Variants in ERBB4 observed in about 807,000 individuals in gnomAD.
ERBB4 encodes the protein erb-b2 receptor tyrosine kinase 4.
A neutral mutation model predicts 158.0 loss-of-function variants in ERBB4; 42 were observed. The ratio of observed to expected loss-of-function variants is 0.27; its 90% CI spans 0.21 to 0.34. ERBB4 has a LOEUF of 0.34. ERBB4 is among the 10% of genes least tolerant of loss of function. ERBB4 has a pLI of 1.00. For synonymous variants in ERBB4, 583 were observed against 558.7 expected (o/e 1.04, Z -0.61); for missense variants, 1,333 against 1,624.1 (o/e 0.82, Z 3.08).
intron 2 of ERBB4, among the ~76,000 whole-genome samples, chr2:212,038,251 A>C: frequency 6.6e-6 from 1 of 152,168 alleles, no homozygotes; most frequent in Middle Eastern, 3.4e-3. Flanking sequence ...ATTATATATT[A>C]GTCTCTTTAT....
chr2:212,451,764 T>C (rs570870762), intron 1 of ERBB4, among the ~76,000 whole-genome samples: 3 of 152,328 alleles, frequency 2.0e-5, no homozygotes, highest in South Asian at 2.1e-4. Flanking sequence ...CATTTAAGTA[T>C]AGCCGAACAT....
At chr2:211,999,753 G>C (rs2076061397) in intron 2 of ERBB4, among the ~76,000 whole-genome samples, 3 of 151,636 alleles carry the variant, frequency 2.0e-5, no homozygotes, top group Admixed American at 1.3e-4. Flanking sequence ...GTGTGTTGAA[G>C]ATTGATTTCC....
intron 3 of ERBB4, among the ~76,000 whole-genome samples, chr2:211,908,801 CT>C (rs1459654805): frequency 2.0e-5 from 3 of 151,612 alleles, no homozygotes; most frequent in Non-Finnish European, 4.4e-5. Context: ...ATTTATTCCT[CT>C]TTTGTGTTGT....
At chr2:212,504,497 A>G (rs1015290537) in intron 1 of ERBB4, among the ~76,000 whole-genome samples, 4 of 151,884 alleles carry the variant, frequency 2.6e-5, no homozygotes, top group African/African-American at 7.2e-5. Flanking sequence ...CTATAGAGAA[A>G]TAGAAAAAAA....
chr2:211,698,581 G>C (rs910666255), intron 12 of ERBB4, among the ~76,000 whole-genome samples: 1 of 151,140 alleles, frequency 6.6e-6, no homozygotes, highest in African/African-American at 2.4e-5. Flanking sequence ...CAATGAGAAA[G>C]GTACTATTAA....
At chr2:211,450,356 G>A (rs151336631) in intron 20 of ERBB4, among the ~76,000 whole-genome samples, 1,772 of 152,174 alleles carry the variant, frequency 0.012, 31 homozygotes, top group African/African-American at 0.04. Flanking sequence ...AAGAGCCTGG[G>A]AATAACATGA....
chr2:212,514,609 A>G (rs1306968369), intron 1 of ERBB4, among the ~76,000 whole-genome samples: 1 of 152,162 alleles, frequency 6.6e-6, no homozygotes, highest in Non-Finnish European at 1.5e-5. Flanking sequence ...GATCAAGACC[A>G]TCCTGGCCAA....
At chr2:211,545,025 G>A (rs2066906170) in intron 20 of ERBB4, among the ~76,000 whole-genome samples, 1 of 151,976 alleles carries the variant, frequency 6.6e-6, no homozygotes, top group Admixed American at 6.6e-5. Flanking sequence ...CTACACAAAG[G>A]ACCTTTGGCT....
At chr2:212,323,344 T>TCTAAGA (rs1464924392) in intron 1 of ERBB4, among the ~76,000 whole-genome samples, 11 of 150,654 alleles carry the variant, frequency 7.3e-5, no homozygotes, top group African/African-American at 2.7e-4. Flanking sequence ...AATTCTGATT[T>TCTAAGA]TTATCTAAGA....
At chr2:211,744,211 C>T (rs1214752851) in intron 5 of ERBB4, among the ~76,000 whole-genome samples, 1 of 152,058 alleles carries the variant, frequency 6.6e-6, no homozygotes, top group African/African-American at 2.4e-5. Flanking sequence ...AACAATGACA[C>T]AATTAAATTA....
intron 2 of ERBB4, among the ~76,000 whole-genome samples, chr2:212,044,386 C>T (rs2077208325): frequency 6.6e-6 from 1 of 152,136 alleles, no homozygotes; most frequent in Admixed American, 6.5e-5. Context: ...AATCCTCTTT[C>T]AATGCCGATA....
intron 20 of ERBB4, among the ~76,000 whole-genome samples, chr2:211,496,519 C>T (rs75133575): frequency 2.0e-5 from 3 of 151,508 alleles, no homozygotes; most frequent in African/African-American, 4.9e-5. Context: ...CATCACATAC[C>T]TTCTTCTCAA....
chr2:211,544,997 A>G (rs2066905415), intron 20 of ERBB4, among the ~76,000 whole-genome samples: 1 of 152,080 alleles, frequency 6.6e-6, no homozygotes, highest in Non-Finnish European at 1.5e-5. Context: ...GAAGGAATTC[A>G]TGAAATTTTC....
rs139849729 is a variant in ERBB4, at chr2:211,959,618, C to G, written c.235-12002G>C. 1.1e-3 allele frequency among the ~76,000 whole-genome samples: 169 copies of G among 152,036 alleles called. 1 individual carries two copies. The highest frequency in any genetic ancestry group is 1.9e-3 in the Non-Finnish European group (131 of 67,930). On this transcript the variant is annotated intron_variant, in intron 2 of 27. Transcript: ENST00000342788. ...ATGAAACATTTTTCTCTATGTTTCCCCTCTATAGGAATTTTACAGAGAAGC... is the reference window on the plus strand; with the variant it reads ...ATGAAACATTTTTCTCTATGTTTCCGCTCTATAGGAATTTTACAGAGAAGC...
intron 20 of ERBB4, among the ~76,000 whole-genome samples, chr2:211,514,956 T>C (rs1288709403): frequency 6.6e-6 from 1 of 152,130 alleles, no homozygotes; most frequent in African/African-American, 2.4e-5. Flanking sequence ...CAATAAAATG[T>C]TTACAGGTGC....
intron 3 of ERBB4, among the ~76,000 whole-genome samples, chr2:211,795,794 C>T (rs2076371355): frequency 6.6e-6 from 1 of 151,550 alleles, no homozygotes; most frequent in Non-Finnish European, 1.5e-5. Flanking sequence ...AGTCAACGAG[C>T]CACAGCTAGG....
intron 3 of ERBB4, among the ~76,000 whole-genome samples, chr2:211,794,660 T>A (rs1184052044): frequency 6.6e-6 from 1 of 151,944 alleles, no homozygotes; most frequent in Non-Finnish European, 1.5e-5. Context: ...TCTTAATATA[T>A]TCTTTCTGTC....
intron 2 of ERBB4, among the ~76,000 whole-genome samples, chr2:212,098,533 G>C (rs1370379691): frequency 6.6e-6 from 1 of 152,122 alleles, no homozygotes; most frequent in Non-Finnish European, 1.5e-5. Flanking sequence ...CCCCCACTTT[G>C]ATGAGAGTGG....
intron 1 of ERBB4, among the ~76,000 whole-genome samples, chr2:212,352,130 CA>C (rs1450585093): frequency 4.3e-4 from 66 of 151,918 alleles, no homozygotes; most frequent in Middle Eastern, 3.4e-3. Flanking sequence ...AACATATAGA[CA>C]AAAAGAGGAA....
Sources: allele counts gnomAD v4.1 joint callset (sites outside exome capture counted in the v4.1 genomes callset), GRCh38; gene constraint gnomAD v4.1.1; transcripts MANE v1.5; gene names NCBI Gene and HGNC (gene_info 2026-07-23, HGNC 2026-07-21).